The following RADIL variants were observed in gnomAD, a reference collection of about 807,000 sequenced individuals.
RADIL encodes the protein Rap associating with DIL domain.
RADIL carries 99 observed loss-of-function variants against 97.6 expected under a neutral mutation model. The observed-to-expected ratio is 1.01, with a 90% CI of 0.86 to 1.20. The LOEUF is 1.20. Among genes scored for constraint, RADIL ranks in the 50% most tolerant of loss-of-function variants. The pLI is 0.00. For synonymous variants in RADIL, 803 were observed against 691.8 expected, an observed-to-expected ratio of 1.16 and a Z score of -2.52; for missense variants, 1,765 against 1,498.9, an observed-to-expected ratio of 1.18 and a Z score of -2.93.
Position 4,867,066 on chromosome 7 carries a change from G to A in RADIL, c.535+10539C>T, listed in dbSNP as rs1030634765. 5.3e-5 allele frequency among the ~76,000 whole-genome samples: 8 copies of A among 152,068 alleles called. No homozygotes were observed. Among genetic ancestry groups the A allele is most frequent in the Admixed American group, 1.3e-4 (2 of 15,264 alleles). On this transcript the variant is annotated intron_variant, in intron 2 of 14. Coordinates refer to ENST00000399583, the MANE Select transcript of RADIL (RefSeq NM_018059.5). This position sits in a 1 kb window ranked among gnomAD's most constrained non-coding sequence, Gnocchi z 4.1. Reference sequence around the variant, plus strand: ...GAAGCCCTCACCAGAAGCCAGGGCCGTGCCCTGGAACTTCTCAGCCTGTGG... The same window carrying A: ...GAAGCCCTCACCAGAAGCCAGGGCCATGCCCTGGAACTTCTCAGCCTGTGG...
intron 2 of RADIL, among the ~76,000 whole-genome samples, chr7:4,845,334 C>T (rs1474447365): frequency 2.6e-5 from 4 of 152,192 alleles, no homozygotes; most frequent in Admixed American, 2.0e-4. Flanking sequence ...AGGAGTACCA[C>T]TTGAACCCAG....
chr7:4,810,065 C>A (rs1583270823), intron 9 of RADIL, among the ~76,000 whole-genome samples: 1 of 152,158 alleles, frequency 6.6e-6, no homozygotes, highest in South Asian at 2.1e-4. Context: ...GGTGGCCAGG[C>A]TGGTCTCGAA....
intron 9 of RADIL, among the ~76,000 whole-genome samples, chr7:4,806,188 C>T (rs1346819382): frequency 6.6e-6 from 1 of 152,228 alleles, no homozygotes; most frequent in Non-Finnish European, 1.5e-5. Flanking sequence ...CTCATGCTGT[C>T]ACGCAGGTTG....
intron 11 of RADIL, 58 bp from the exon 12 acceptor site, chr7:4,802,053 C>T (rs927147943): frequency 8.0e-6 from 11 of 1,378,588 alleles, no homozygotes; most frequent in East Asian, 2.5e-5. Context: ...ACACAGCACT[C>T]GGGCAACTGG....
intron 2 of RADIL, among the ~76,000 whole-genome samples, chr7:4,845,419 A>C (rs963492572): frequency 6.6e-6 from 1 of 152,206 alleles, no homozygotes; most frequent in African/African-American, 2.4e-5. Flanking sequence ...CCTCATCTCT[A>C]ATAAATGAAG....
chr7:4,817,277 G>T lies in RADIL; in HGVS notation c.1690C>A (p.Leu564Met). ...EAMAVLEEVV[L>M]YAFQQCVYYV... ...TAGACGCACTGCTGGAAGGCGTACA[G>T]CACCACCTCCTCCAGCACCGCCATG... is the stretch of plus-strand genomic sequence containing the variant. The change falls in exon 7 of 15, where the codon CTG (leucine) becomes ATG (methionine). Residue 564 changes from leucine to methionine, a missense_variant. By Grantham distance (15) the Leu-to-Met change is conservative. Coordinates refer to ENST00000399583, the MANE Select transcript of RADIL (RefSeq NM_018059.5). This position sits in a 1 kb window ranked among gnomAD's most constrained non-coding sequence, Gnocchi z 8.3. The T allele has an allele frequency of 6.2e-7, 1 of 1,612,800 alleles. No homozygotes were observed. The highest frequency in any genetic ancestry group is 8.5e-7 in the Non-Finnish European group (1 of 1,179,774).
At position 4,799,261 on chromosome 7, in the gene RADIL, G is replaced by A; in HGVS notation, c.*117C>T. The A allele has an allele frequency of 2.2e-6, 2 of 896,840 alleles. No homozygotes were observed. The highest frequency in any genetic ancestry group is 2.2e-5 in the Admixed American group (1 of 46,424). The allele number at this position is 896,840 out of a possible 1,614,324, so 55.6% of individuals were successfully genotyped here. The stretch of plus-strand genomic sequence containing the variant: ...TCAACAGGCATGTCCCCAGGGTGAG[G>A]CTCCCCACCCGGGACCCAACTTGGT... On this transcript the variant is annotated 3_prime_UTR_variant, in exon 15 of 15. Transcript: ENST00000399583.
In RADIL at chr7:4,799,724, G is replaced by A. The variant is rs1306941739; in HGVS notation, c.3028C>T (p.Pro1010Ser). Reference protein sequence around the residue: ...APGLYIQTLLPGSPAAADGRL... With the variant: ...APGLYIQTLLSGSPAAADGRL... ...CCGTCGGCCGCTGCGGGGCTGCCCG[G>A]GAGCAGGGTCTGGATGTAGAGCCCG... The change falls in exon 14 of 15, where the codon CCG (proline) becomes TCG (serine). Residue 1010 changes from proline (P) to serine (S), a missense_variant. Transcript: ENST00000399583. The A allele has an allele frequency of 1.3e-6, 2 of 1,564,024 alleles. No homozygotes were observed. Among genetic ancestry groups the A allele is most frequent in the Middle Eastern group, 1.7e-4 (1 of 5,900 alleles).
In RADIL at chr7:4,800,171, C is replaced by T. The variant is rs1386528518; in HGVS notation, c.2982G>A (p.Met994Ile). ...GCGGCGAGGGTCCTGGGCCACTCACCATCCCGTCGATCAGGCCCATCCCCA... is the reference window on the plus strand; with the variant it reads ...GCGGCGAGGGTCCTGGGCCACTCACTATCCCGTCGATCAGGCCCATCCCCA... ...SGLGMGLIDG[M>I]HTHLGAPGLY... Residue 994 changes from methionine (M) to isoleucine (I), a missense_variant and splice_region_variant, in exon 13 of 15, where the codon ATG becomes ATA. Met to Ile is a conservative substitution (Grantham distance 10). Transcript: ENST00000399583. The T allele has an allele frequency of 1.2e-6, 2 of 1,607,086 alleles. No homozygotes were observed.
intron 10 of RADIL, 24 bp downstream of exon 10, chr7:4,805,542 C>T (rs762472852): frequency 1.3e-6 from 2 of 1,561,882 alleles, no homozygotes; most frequent in Non-Finnish European, 8.7e-7. Context: ...CCCCAGCCCT[C>T]TCCTGCCCTG....
intron 5 of RADIL, among the ~76,000 whole-genome samples, chr7:4,830,241 T>C (rs1783102113): frequency 6.6e-6 from 1 of 152,182 alleles, no homozygotes; most frequent in Non-Finnish European, 1.5e-5. Flanking sequence ...CTGAAAGTCA[T>C]TCCCTGCCAC....
intron 2 of RADIL, among the ~76,000 whole-genome samples, chr7:4,838,370 G>A (rs1381854829): frequency 6.6e-6 from 1 of 152,198 alleles, no homozygotes. Context: ...TGTAGGAGGT[G>A]ACCTCAGAGT....
In RADIL at chr7:4,840,951, A is replaced by G. The variant is rs1241187516; in HGVS notation, c.536-4346T>C. Among the ~76,000 whole-genome samples the G allele has an allele frequency of 3.3e-5, 5 of 152,368 alleles. 1 individual carries two copies. The highest frequency in any genetic ancestry group is 7.3e-5 in the Non-Finnish European group (5 of 68,036). Reference sequence around the variant, plus strand: ...CACTGCACTCCAGCCTGGGTGACAGAGCGAGACTCCGTCTCAAAACAAAAC... The same window carrying G: ...CACTGCACTCCAGCCTGGGTGACAGGGCGAGACTCCGTCTCAAAACAAAAC... On this transcript the variant is annotated intron_variant, in intron 2 of 14. Coordinates refer to ENST00000399583, the MANE Select transcript of RADIL (RefSeq NM_018059.5). This position sits in a 1 kb window ranked among gnomAD's most constrained non-coding sequence, Gnocchi z 5.6.
rs112718521 is a variant in RADIL, at chr7:4,830,338, G to A, written c.1454+1803C>T. Among the ~76,000 whole-genome samples the A allele has an allele frequency of 1.5e-4, 23 of 152,294 alleles. 1 individual carries two copies. Among genetic ancestry groups the A allele is most frequent in the African/African-American group, 4.8e-4 (20 of 41,570 alleles). ...GTCTCTCTAGGGCCCACTCGAGAGT[G>A]GGAGCGTAGGCCGCAGGGGCTGCAC... On this transcript the variant is annotated intron_variant, in intron 5 of 14. Transcript: ENST00000399583.
rs1484842988 is a variant in RADIL at position 4,819,387 on chromosome 7, C to T, written c.1616-2036G>A. Among the ~76,000 whole-genome samples the T allele has an allele frequency of 2.6e-5, 4 of 152,036 alleles. No homozygotes were observed. The highest frequency in any genetic ancestry group is 7.2e-5 in the African/African-American group (3 of 41,388). ...CCCTGAGACTCCATTTCTAAACCCC[C>T]GGAGACGCCTCTCCCTGTGGTACCA... is the stretch of plus-strand genomic sequence containing the variant. On this transcript the variant is annotated intron_variant, in intron 6 of 14. Coordinates refer to ENST00000399583, the MANE Select transcript of RADIL (RefSeq NM_018059.5). The surrounding 1 kb of genome is among the most constrained non-coding windows in gnomAD (Gnocchi z 5.8).
In RADIL at chr7:4,867,166, G is replaced by T. The variant is rs192544593; in HGVS notation, c.535+10439C>A. Among the ~76,000 whole-genome samples, 2 of 152,192 alleles carry T rather than the reference G, an allele frequency of 1.3e-5. No homozygotes were observed. The highest frequency in any genetic ancestry group is 1.3e-4 in the Admixed American group (2 of 15,288). ...TATTCTGCTGTGGCAACAAGAAATG[G>T]ACTAAAGCAGAGCCTAAAGGTGTTG... On this transcript the variant is annotated intron_variant, in intron 2 of 14. Coordinates refer to ENST00000399583, the MANE Select transcript of RADIL (RefSeq NM_018059.5). The surrounding 1 kb of genome is among the most constrained non-coding windows in gnomAD (Gnocchi z 4.1).
chr7:4,875,154 TGC>T (rs1784343588), intron 2 of RADIL, among the ~76,000 whole-genome samples: 1 of 141,412 alleles, frequency 7.1e-6, no homozygotes, highest in Non-Finnish European at 1.5e-5. Context: ...ATTGTGCCAC[TGC>T]ACTCCAGCCT....
chr7:4,869,659 T>C (rs1268007298), intron 2 of RADIL, among the ~76,000 whole-genome samples: 1 of 152,156 alleles, frequency 6.6e-6, no homozygotes, highest in Admixed American at 6.5e-5. Flanking sequence ...TTGGTCTGCA[T>C]CTGCACTCTC....
At chr7:4,862,037 C>A (rs576870475) in intron 2 of RADIL, 27 of 400,172 alleles carry the variant, frequency 6.7e-5, no homozygotes, top group Non-Finnish European at 9.8e-5. Context: ...ACCTACCGTA[C>A]ACGCGCGGGC....
Sources: allele counts gnomAD v4.1 joint callset (sites outside exome capture counted in the v4.1 genomes callset), GRCh38; gene constraint gnomAD v4.1.1; non-coding constraint Gnocchi (gnomAD v3.1); transcripts MANE v1.5; gene names NCBI Gene and HGNC (gene_info 2026-07-23, HGNC 2026-07-21).